Variants in POLQ observed in about 807,000 individuals in gnomAD.
POLQ encodes the protein epididymis secretory sperm binding protein.
Under a neutral mutation model 259.2 loss-of-function variants are expected in POLQ, and 233 were observed. The observed-to-expected ratio is 0.90, with a 90% CI of 0.81 to 1.00. The LOEUF is 1.00. POLQ is among the 50% of genes least tolerant of loss of function. The probability of loss-of-function intolerance (pLI) is 0.00; values close to 1 mark genes in which losing one functional copy is unlikely to be tolerated. For missense variants in POLQ, 2,871 were observed against 3,051.6 expected (o/e 0.94, Z 1.39); for synonymous variants, 1,025 against 1,048.8 (o/e 0.98, Z 0.44).
intron 25 of POLQ, among the ~76,000 whole-genome samples, chr3:121,451,896 A>G (rs914416612): frequency 3.9e-5 from 6 of 152,216 alleles, no homozygotes; most frequent in Non-Finnish European, 8.8e-5. Flanking sequence ...TGGAGTCTAC[A>G]GAGGCAGGCA....
chr3:121,482,452 G>A (rs930704630), intron 18 of POLQ, among the ~76,000 whole-genome samples: 2 of 151,782 alleles, frequency 1.3e-5, no homozygotes, highest in East Asian at 1.9e-4. Context: ...CCTGGGAGGC[G>A]GAGGTTGCAG....
intron 20 of POLQ, among the ~76,000 whole-genome samples, chr3:121,475,188 A>G (rs945807368): frequency 6.6e-6 from 1 of 152,100 alleles, no homozygotes; most frequent in African/African-American, 2.4e-5. Context: ...ATACCCTTTG[A>G]CTAGCAACTC....
intron 15 of POLQ, 32 bp from the exon 16 acceptor site, chr3:121,490,440 A>AATTC: frequency 6.4e-7 from 1 of 1,553,658 alleles, no homozygotes; most frequent in East Asian, 2.2e-5. Context: ...GACAGAAATG[A>AATTC]ATTCATTCAT....
rs1206294969 is a variant in POLQ, at chr3:121,436,242, C to T, written c.7423G>A (p.Gly2475Arg). Residue 2475 changes from glycine to arginine, a missense_variant, in exon 28 of 30, where the codon GGA (glycine) becomes AGA (arginine). Coordinates refer to ENST00000264233, the MANE Select transcript of POLQ (RefSeq NM_199420.4). ...ERQAINTIVQ[G>R]SAADIVKIAT... The stretch of plus-strand genomic sequence containing the variant: ...ATTTTGACAATATCAGCTGCTGATC[C>T]TTGGACTATTGTGTTGATAGCTTGA... The T allele has an allele frequency of 6.2e-7, 1 of 1,613,836 alleles. No homozygotes were observed. Among genetic ancestry groups the T allele is most frequent in the East Asian group, 2.2e-5 (1 of 44,870 alleles).
chr3:121,498,453 G>C (rs773107260), intron 13 of POLQ, 24 bp downstream of exon 13: 13 of 1,569,528 alleles, frequency 8.3e-6, no homozygotes, highest in Non-Finnish European at 1.1e-5. Flanking sequence ...AAATACCGGA[G>C]AGCCCAGAGA....
chr3:121,481,709 G>C lies in POLQ; in HGVS notation c.6074C>G (p.Thr2025Ser), dbSNP rs1271072663. ...HELPLLEGME[T>S]SQGIQSLGLN... ...CCCCAGGCTTTGAATCCCTTGGCTG[G>C]TCTCCATCCCTTCTAGGAGTGGAAG... Residue 2025 changes from threonine (T) to serine (S), a missense_variant, in exon 19 of 30, where the codon ACC becomes AGC. By Grantham distance (58) the Thr-to-Ser change is moderately conservative. Around this residue, in one of 3 missense-constraint regions of POLQ, gnomAD observed 2,080 missense variants for 2,126.0 expected, o/e 0.98. Transcript: ENST00000264233. The C allele has an allele frequency of 6.2e-7, 1 of 1,614,100 alleles. No individual in the cohort carries two copies. The highest frequency in any genetic ancestry group is 2.2e-5 in the East Asian group (1 of 44,872).
chr3:121,448,634 G>C lies in POLQ; in HGVS notation c.7264+681C>G, dbSNP rs367790749. 2.6e-5 allele frequency among the ~76,000 whole-genome samples: 4 copies of C among 152,086 alleles called. No homozygotes were observed. In the East Asian group the frequency reaches 5.8e-4, roughly 22 times the overall value. ...TCCACCTCAGCCTCCCAAAGTGCTG[G>C]GATTACAGACGTGAGCCACCATGCC... On this transcript the variant is annotated intron_variant, in intron 26 of 29. Coordinates refer to ENST00000264233, the MANE Select transcript of POLQ (RefSeq NM_199420.4).
chr3:121,532,018 G>A (rs2048414990), intron 6 of POLQ, among the ~76,000 whole-genome samples: 1 of 152,152 alleles, frequency 6.6e-6, no homozygotes, highest in South Asian at 2.1e-4. Flanking sequence ...CTCCACCAAT[G>A]TACATGAGTC....
chr3:121,535,266 C>T (rs2048441987), intron 5 of POLQ, among the ~76,000 whole-genome samples: 1 of 152,078 alleles, frequency 6.6e-6, no homozygotes, highest in Non-Finnish European at 1.5e-5. Context: ...AAGAGGAGTG[C>T]CTAAAAATTC....
In POLQ at chr3:121,488,860, GCTC is replaced by G. The variant is rs777370100; in HGVS notation, c.4068_4070del (p.Lys1356_Ser1357delinsAsn). The G allele has an allele frequency of 6.2e-7, 1 of 1,613,978 alleles. No individual in the cohort carries two copies. The highest frequency in any genetic ancestry group is 1.1e-5 in the South Asian group (1 of 91,042). ...AGTTCATTGAGTTCTGTTGGACTAAGCTCTTCTGCATTATCCCTGCTGCCAGGT... is the reference window on the plus strand; with the variant it reads ...AGTTCATTGAGTTCTGTTGGACTAAGTTCTGCATTATCCCTGCTGCCAGGT... On this transcript the variant is annotated inframe_deletion, in exon 16 of 30. Transcript: ENST00000264233.
At chr3:121,444,154 G>A (rs1004532481) in intron 26 of POLQ, among the ~76,000 whole-genome samples, 6 of 151,748 alleles carry the variant, frequency 4.0e-5, no homozygotes, top group African/African-American at 1.5e-4. Flanking sequence ...ATTTTGATAG[G>A]GAATGCATTA....
Position 121,533,220 on chromosome 3 carries a change from A to T in POLQ, c.741-11T>A. 6.6e-7 allele frequency: 1 copy of T among 1,525,494 alleles called. No homozygotes were observed. The highest frequency in any genetic ancestry group is 8.9e-7 in the Non-Finnish European group (1 of 1,125,172). The allele number at this position is 1,525,494 out of a possible 1,614,324, so 94.5% of individuals were successfully genotyped here. A position where few individuals can be genotyped will look rare whatever the true frequency, so the allele number is the denominator to read the frequency against. ...GCTAGATCTGCCTGACTGTAAAAAA[A>T]CAAATGAAAAGAACATTAAAAGATA... is the stretch of plus-strand genomic sequence containing the variant. On this transcript the variant is annotated splice_polypyrimidine_tract_variant and intron_variant, in intron 5 of 29. Coordinates refer to ENST00000264233, the MANE Select transcript of POLQ (RefSeq NM_199420.4).
intron 12 of POLQ, among the ~76,000 whole-genome samples, chr3:121,501,938 A>C (rs1457424023): frequency 1.3e-5 from 2 of 149,556 alleles, no homozygotes; most frequent in Non-Finnish European, 3.0e-5. Context: ...TGCAGTGAGC[A>C]GAGACTGCAC....
In POLQ at chr3:121,431,993, A is replaced by C. The variant is rs1039819039; in HGVS notation, c.*311T>G. 8.7e-6 allele frequency: 2 copies of C among 229,272 alleles called. No individual in the cohort carries two copies. The highest frequency in any genetic ancestry group is 2.3e-5 in the African/African-American group (1 of 44,206). 14.2% of individuals were successfully genotyped at this position (229,272 alleles called of 1,614,324 possible). A position where few individuals can be genotyped will look rare whatever the true frequency, so the allele number is the denominator to read the frequency against. ...AGACAGATGTGGAACCAAAGTGCTA[A>C]GTGCATATTTCAAGCATCTGTTCTG... On this transcript the variant is annotated 3_prime_UTR_variant, in exon 30 of 30. Transcript: ENST00000264233.
At position 121,459,389 on chromosome 3, in the gene POLQ, T is replaced by G. The variant is rs557607458; in HGVS notation, c.7152+661A>C. 3.7e-3 allele frequency among the ~76,000 whole-genome samples: 551 copies of G among 147,390 alleles called. 6 individuals are homozygous for G. Among genetic ancestry groups the G allele is most frequent in the African/African-American group, 0.013 (524 of 39,884 alleles). ...GAAAGATTTTTTTTTTTTTTTTTTT[T>G]TTTGTTTTTCGAGATGGAGTCTTGC... is the stretch of plus-strand genomic sequence containing the variant. On this transcript the variant is annotated intron_variant, in intron 25 of 29. Coordinates refer to ENST00000264233, the MANE Select transcript of POLQ (RefSeq NM_199420.4).
chr3:121,449,283 T>A (rs770155076), intron 26 of POLQ, 32 bp downstream of exon 26: 1 of 1,074,306 alleles, frequency 9.3e-7, no homozygotes, highest in Non-Finnish European at 1.4e-6. Flanking sequence ...GGTAAGATGG[T>A]TGAAAAGAAT....
chr3:121,481,846 T>A, intron 18 of POLQ, 34 bp from the exon 19 acceptor site: 1 of 1,554,676 alleles, frequency 6.4e-7, no homozygotes. Context: ...ATTTTCCTGA[T>A]TTTTTTCAAA....
intron 12 of POLQ, 92 bp downstream of exon 12, chr3:121,509,469 G>A (rs968384344): frequency 6.6e-6 from 7 of 1,068,062 alleles, no homozygotes; most frequent in African/African-American, 6.3e-5. Flanking sequence ...AAACAGACGA[G>A]ATGTTCTGTT....
At chr3:121,533,313 A>G in intron 5 of POLQ, 104 bp from the exon 6 acceptor site, 1 of 627,986 alleles carries the variant, frequency 1.6e-6, no homozygotes. Context: ...ACACATGCAT[A>G]CATTTCTTTA....
Sources: gnomAD v4.1 joint callset for allele counts (sites outside exome capture counted in the v4.1 genomes callset) on GRCh38, gnomAD v4.1.1 for gene constraint, gnomAD v4.1.1 regional missense constraint, MANE v1.5 for transcripts, NCBI Gene and HGNC (gene_info 2026-07-23, HGNC 2026-07-21) for gene names.